The following MROH9 variants were observed in gnomAD, a reference collection of about 807,000 sequenced individuals.
The protein encoded by MROH9 is maestro heat-like repeat-containing protein family member 9.
A neutral mutation model predicts 98.2 loss-of-function variants in MROH9; 92 were observed. The ratio of observed to expected loss-of-function variants is 0.94; its 90% CI spans 0.79 to 1.11. The LOEUF is 1.11. Ranked by LOEUF, MROH9 falls within the 50% of genes most tolerant of loss-of-function variation. MROH9 has a pLI of 0.00. For missense variants in MROH9, 1,057 were observed against 1,014.8 expected, an observed-to-expected ratio of 1.04 and a Z score of -0.57; for synonymous variants, 397 against 368.9, an observed-to-expected ratio of 1.08 and a Z score of -0.87.
intron 20 of MROH9, among the ~76,000 whole-genome samples, chr1:171,061,849 G>T (rs368866715): frequency 6.6e-6 from 1 of 152,162 alleles, no homozygotes; most frequent in African/African-American, 2.4e-5. Context: ...GAAGCTTCTA[G>T]GATGCTGCTA....
intron 8 of MROH9, among the ~76,000 whole-genome samples, chr1:170,976,942 T>TC (rs1392493214): frequency 1.3e-5 from 2 of 152,108 alleles, no homozygotes; most frequent in Non-Finnish European, 2.9e-5. Flanking sequence ...CATTCTGGTT[T>TC]CTTTTTTTTC....
At chr1:171,000,005 C>T (rs1415505801) in intron 15 of MROH9, among the ~76,000 whole-genome samples, 1 of 151,982 alleles carries the variant, frequency 6.6e-6, no homozygotes, top group Non-Finnish European at 1.5e-5. Flanking sequence ...CTATTCATGT[C>T]CTTAGCCCAC....
In MROH9 at chr1:171,033,796, G is replaced by A. The variant is rs184053932; in HGVS notation, c.2281+8376G>A. On this transcript the variant is annotated intron_variant, in intron 20 of 21. Coordinates refer to ENST00000367759, the MANE Select transcript of MROH9 (RefSeq NM_001163629.2). Reference sequence around the variant, plus strand: ...TAGTAGATATAGATGATAGAAAAAAGAAATGCAAATATGAGCAAGTGATAT... The same window carrying A: ...TAGTAGATATAGATGATAGAAAAAAAAAATGCAAATATGAGCAAGTGATAT... 4.7e-3 allele frequency among the ~76,000 whole-genome samples: 719 copies of A among 152,054 alleles called. 5 individuals are homozygous for A. The highest frequency in any genetic ancestry group is 0.016 in the African/African-American group (646 of 41,464).
At chr1:170,981,923 A>C (rs1426387057) in intron 8 of MROH9, among the ~76,000 whole-genome samples, 1 of 152,172 alleles carries the variant, frequency 6.6e-6, no homozygotes, top group Non-Finnish European at 1.5e-5. Flanking sequence ...GAATGTCTAA[A>C]ATTAAAAAGA....
intron 6 of MROH9, among the ~76,000 whole-genome samples, chr1:170,962,306 C>T (rs954138828): frequency 6.6e-6 from 1 of 152,140 alleles, no homozygotes; most frequent in Non-Finnish European, 1.5e-5. Context: ...GTTCACATAG[C>T]AATGAAACCA....
At chr1:170,995,261 T>C in intron 12 of MROH9, 128 bp from the exon 13 acceptor site, 3 of 929,172 alleles carry the variant, frequency 3.2e-6, no homozygotes, top group Non-Finnish European at 5.0e-6. Context: ...TACCCATATG[T>C]GCTTTAGGTT....
chr1:171,031,112 G>T (rs751076781), intron 20 of MROH9, among the ~76,000 whole-genome samples: 1 of 151,688 alleles, frequency 6.6e-6, no homozygotes, highest in East Asian at 1.9e-4. Flanking sequence ...CAACCCCTGC[G>T]GTTTTTTTGC....
chr1:171,064,252 T>C lies in MROH9; in HGVS notation c.2498T>C (p.Leu833Ser). The C allele has an allele frequency of 6.4e-7, 1 of 1,551,518 alleles. No homozygotes were observed. Among genetic ancestry groups the C allele is most frequent in the South Asian group, 1.2e-5 (1 of 84,044 alleles). Residue 833 changes from leucine to serine, a missense_variant, in exon 22 of 22, where the codon TTG becomes TCG. Coordinates refer to ENST00000367759, the MANE Select transcript of MROH9 (RefSeq NM_001163629.2). The stretch of plus-strand genomic sequence containing the variant: ...CTTAAATTATTCTACATCAAAAAAT[T>C]GAAGCCTCTTTACAATTATAACTCA... Reference protein sequence around the residue: ...KLLKLFYIKKLKPLYNYNSPN... With the variant: ...KLLKLFYIKKSKPLYNYNSPN...
At chr1:171,036,463 A>T (rs1653102059) in intron 20 of MROH9, among the ~76,000 whole-genome samples, 1 of 152,108 alleles carries the variant, frequency 6.6e-6, no homozygotes, top group Non-Finnish European at 1.5e-5. Context: ...ATTGATATAA[A>T]CACTCAGAAA....
intron 15 of MROH9, among the ~76,000 whole-genome samples, chr1:171,000,771 G>T (rs1345968869): frequency 3.3e-5 from 5 of 152,022 alleles, no homozygotes. Context: ...ATTAGGGAGG[G>T]TTCCTTCTTT....
At chr1:171,008,596 T>C (rs1652039915) in intron 15 of MROH9, among the ~76,000 whole-genome samples, 1 of 152,250 alleles carries the variant, frequency 6.6e-6, no homozygotes, top group East Asian at 1.9e-4. Flanking sequence ...ATTTTAATAC[T>C]ATGTTGCCAT....
At chr1:170,955,378 C>A (rs1649720344) in intron 3 of MROH9, among the ~76,000 whole-genome samples, 1 of 152,070 alleles carries the variant, frequency 6.6e-6, no homozygotes, top group African/African-American at 2.4e-5. Flanking sequence ...ACTTTTAGTT[C>A]TTTAAGGAAT....
intron 1 of MROH9, among the ~76,000 whole-genome samples, chr1:170,937,806 A>C (rs1459595120): frequency 2.0e-5 from 3 of 152,038 alleles, no homozygotes; most frequent in Non-Finnish European, 2.9e-5. Context: ...TACAGGCGTG[A>C]GCCACCGCGC....
chr1:171,031,824 G>A (rs1327708759), intron 20 of MROH9, among the ~76,000 whole-genome samples: 2 of 152,156 alleles, frequency 1.3e-5, no homozygotes, highest in African/African-American at 4.8e-5. Context: ...ATGTTGGCCT[G>A]TCTTGCTAGG....
intron 16 of MROH9, chr1:171,015,172 A>G: frequency 9.6e-6 from 4 of 415,662 alleles, no homozygotes; most frequent in South Asian, 7.4e-5. Context: ...ACTGAAGCCT[A>G]TCAGTGGACA....
rs1372647484 is a variant in MROH9, at chr1:170,957,787, A to AT, written c.73-667dup. On this transcript the variant is annotated intron_variant, in intron 3 of 21. Transcript: ENST00000367759. ...GCCTGACTTAAGTTGCCCTGCTGGC[A>AT]TTTTTTTGTTTTTTTTTTTTTTGTT... Among the ~76,000 whole-genome samples the AT allele has an allele frequency of 2.7e-3, 351 of 127,948 alleles. 7 individuals carry two copies. The highest frequency in any genetic ancestry group is 5.0e-3 in the Non-Finnish European group (300 of 60,038). 83.9% of individuals were successfully genotyped at this position (127,948 alleles called of 152,430 possible).
intron 20 of MROH9, among the ~76,000 whole-genome samples, chr1:171,033,746 CA>C (rs1653007209): frequency 1.3e-5 from 2 of 151,990 alleles, no homozygotes; most frequent in South Asian, 4.2e-4. Flanking sequence ...GGCTCCCCCA[CA>C]AAATTCTTAA....
intron 11 of MROH9, 91 bp downstream of exon 11, chr1:170,990,094 T>C: frequency 7.7e-7 from 1 of 1,307,086 alleles, no homozygotes; most frequent in Non-Finnish European, 1.0e-6. Context: ...CAATCTACCA[T>C]AGTCAGGCCT....
chr1:170,940,189 C>T (rs894150301), intron 1 of MROH9, among the ~76,000 whole-genome samples: 1 of 152,178 alleles, frequency 6.6e-6, no homozygotes. Flanking sequence ...AACAAGTTAC[C>T]TTTAACCTTA....
Sources: allele counts gnomAD v4.1 joint callset (sites outside exome capture counted in the v4.1 genomes callset), GRCh38; gene constraint gnomAD v4.1.1; transcripts MANE v1.5; gene names NCBI Gene and HGNC (gene_info 2026-07-23, HGNC 2026-07-21).